The following LGI4 variants were observed in gnomAD, a reference collection of about 807,000 sequenced individuals.
The protein encoded by LGI4 is leucine rich repeat LGI family member 4, also known as leucine-rich repeat LGI family member 4.
A neutral mutation model predicts 48.3 loss-of-function variants in LGI4; 36 were observed. The observed-to-expected ratio is 0.75, with a 90% CI of 0.57 to 0.98. LGI4 has a LOEUF of 0.98. LGI4 is among the 50% of genes least tolerant of loss of function. The pLI is 0.00. For missense variants in LGI4, 701 were observed against 732.1 expected (o/e 0.96, Z 0.49); for synonymous variants, 355 against 331.6 (o/e 1.07, Z -0.77).
intron 2 of LGI4, 82 bp from the exon 3 acceptor site, chr19:35,133,846 A>C: frequency 6.8e-7 from 1 of 1,467,260 alleles, no homozygotes; most frequent in South Asian, 1.2e-5. Flanking sequence ...CCCTCAGCCT[A>C]GGTGGGCATG....
Position 35,134,800 on chromosome 19 carries a change from C to G in LGI4, c.-120G>C. The stretch of plus-strand genomic sequence containing the variant: ...CGCCTGCTGGCACGCTCGGCCCTGG[C>G]TTCTCTCTCCTCTTCTCCGTCTTTC... On this transcript the variant is annotated 5_prime_UTR_variant, in exon 1 of 9. Coordinates refer to ENST00000310123, the MANE Select transcript of LGI4 (RefSeq NM_139284.3). 1.7e-6 allele frequency: 1 copy of G among 584,102 alleles called. No homozygotes were observed. Among genetic ancestry groups the G allele is most frequent in the Middle Eastern group, 4.5e-4 (1 of 2,226 alleles). The allele number at this position is 584,102 out of a possible 1,614,324, so 36.2% of individuals were successfully genotyped here.
intron 6 of LGI4, among the ~76,000 whole-genome samples, chr19:35,129,072 T>C (rs903776581): frequency 6.6e-6 from 1 of 152,172 alleles, no homozygotes; most frequent in Non-Finnish European, 1.5e-5. Context: ...GTTTGTTAAA[T>C]GTCCATCTCC....
At chr19:35,133,788 T>G in intron 2 of LGI4, 24 bp from the exon 3 acceptor site, 1 of 1,587,632 alleles carries the variant, frequency 6.3e-7, no homozygotes, top group Non-Finnish European at 8.6e-7. Context: ...AAGAAAGAAA[T>G]TTTTCCAGAA....
At chr19:35,132,169 C>T (rs993783283) in intron 3 of LGI4, 127 bp from the exon 4 acceptor site, 2 of 799,202 alleles carry the variant, frequency 2.5e-6, no homozygotes, top group East Asian at 2.7e-5. Flanking sequence ...CAGGGAAAGC[C>T]TCTCAAAAAC....
chr19:35,133,626 T>C lies in LGI4; in HGVS notation c.314+67A>G, dbSNP rs967687784. 30 of 1,522,434 alleles carry C rather than the reference T, an allele frequency of 2.0e-5. No homozygotes were observed. The East Asian group carries it at 7.3e-4, about 37-fold the overall frequency. The allele number at this position is 1,522,434 out of a possible 1,614,324, so 94.3% of individuals were successfully genotyped here. ...GGCCACAGCTCCCATCTCCCCCTAC[T>C]CTGGGAGCCACAGAAGGGTCCCTCC... is the stretch of plus-strand genomic sequence containing the variant. On this transcript the variant is annotated intron_variant, in intron 3 of 8. Transcript: ENST00000310123.
At chr19:35,133,071 C>T (rs1406290369) in intron 3 of LGI4, among the ~76,000 whole-genome samples, 1 of 152,122 alleles carries the variant, frequency 6.6e-6, no homozygotes, top group African/African-American at 2.4e-5. Context: ...GTGATTTCAT[C>T]CATAGCATCA....
intron 6 of LGI4, among the ~76,000 whole-genome samples, chr19:35,130,647 T>C (rs1179689875): frequency 1.3e-5 from 2 of 152,196 alleles, no homozygotes; most frequent in Non-Finnish European, 2.9e-5. Context: ...CAGTGAGCTA[T>C]GATGGCGCCA....
rs747931967 is a variant in LGI4 at position 35,131,481 on chromosome 19, G to A, written c.533C>T (p.Ala178Val). 226 of 1,551,186 alleles carry A rather than the reference G, an allele frequency of 1.5e-4. No individual in the cohort carries two copies. The highest frequency in any genetic ancestry group is 1.9e-4 in the Non-Finnish European group (217 of 1,146,992). Residue 178 changes from alanine (A) to valine (V), a missense_variant, in exon 6 of 9, where the codon GCC (alanine) becomes GTC (valine). Ala to Val is a moderately conservative substitution (Grantham distance 64). Coordinates refer to ENST00000310123, the MANE Select transcript of LGI4 (RefSeq NM_139284.3). ...WLLQWMPTVNASVGTGACAGP... is the reference protein window; with the variant it reads ...WLLQWMPTVNVSVGTGACAGP... ...CGCACAGGCGCCGGTCCCCACGCTG[G>A]CATTCACGGTGGGCATCCACTGCAG...
chr19:35,126,272 T>C lies in LGI4; in HGVS notation c.1297A>G (p.Met433Val). 2 of 1,611,668 alleles carry C rather than the reference T, an allele frequency of 1.2e-6. No individual in the cohort carries two copies. Among genetic ancestry groups the C allele is most frequent in the Non-Finnish European group, 1.7e-6 (2 of 1,179,452 alleles). Residue 433 changes from methionine (M) to valine (V), a missense_variant and splice_region_variant, in exon 8 of 9, where the codon ATG (methionine) becomes GTG (valine). By Grantham distance (21) the Met-to-Val change is conservative. This residue lies in a region of LGI4 where 223 missense variants were observed against 263.3 expected (regional missense o/e 0.85). Transcript: ENST00000310123. ...CCCGCCCCCAGGCCCAGCCTCACCA[T>C]GGAGTCCCCAATGTAGCGTGTGAGG... ...LCLTRYIGDS[M>V]VMRWDGSMFR... is the part of the protein sequence containing the mutation.
intron 6 of LGI4, chr19:35,131,153 G>A (rs1039026179): frequency 3.8e-5 from 24 of 629,200 alleles, no homozygotes; most frequent in Admixed American, 1.3e-4. Context: ...CAGGCCCGGC[G>A]CCAAATGCCG....
chr19:35,133,664 A>G, intron 3 of LGI4, 29 bp downstream of exon 3: 1 of 1,573,346 alleles, frequency 6.4e-7, no homozygotes. Context: ...GCCCAGACCC[A>G]CCTGCCTCCA....
rs1474293984 is a variant in LGI4, at chr19:35,134,208, C to T, written c.171-104G>A. ...GGAGACCCCAGCGTGCCACCCTGAC[C>T]CTGGATGTGTCTCCCCTGCATGCCA... is the stretch of plus-strand genomic sequence containing the variant. On this transcript the variant is annotated intron_variant, in intron 1 of 8. Transcript: ENST00000310123. The T allele has an allele frequency of 8.5e-6, 9 of 1,058,046 alleles. No homozygotes were observed. In the East Asian group the frequency reaches 2.3e-4, roughly 28 times the overall value. 65.5% of individuals were successfully genotyped at this position (1,058,046 alleles called of 1,614,324 possible).
At position 35,125,119 on chromosome 19, in the gene LGI4, C is replaced by G; in HGVS notation, c.*74G>C. On this transcript the variant is annotated 3_prime_UTR_variant, in exon 9 of 9. Coordinates refer to ENST00000310123, the MANE Select transcript of LGI4 (RefSeq NM_139284.3). ...TCAGCAGCTCACAGGCGGGCCATCA[C>G]CCCAAGTAGGGCCAGGAGCCAGCCA... 1.5e-6 allele frequency: 2 copies of G among 1,351,872 alleles called. No homozygotes were observed. The highest frequency in any genetic ancestry group is 2.0e-6 in the Non-Finnish European group (2 of 1,000,730). 83.7% of individuals were successfully genotyped at this position (1,351,872 alleles called of 1,614,324 possible).
chr19:35,129,857 G>C (rs1352653919), intron 6 of LGI4, among the ~76,000 whole-genome samples: 2 of 151,854 alleles, frequency 1.3e-5, no homozygotes, highest in Non-Finnish European at 2.9e-5. Context: ...TCTCCTGCTC[G>C]TCCCTGGGAA....
chr19:35,128,876 G>A (rs1397259193), intron 6 of LGI4, among the ~76,000 whole-genome samples: 1 of 152,096 alleles, frequency 6.6e-6, no homozygotes, highest in Non-Finnish European at 1.5e-5. Context: ...ACTGTATGCT[G>A]CCTCAGGGCC....
chr19:35,133,957 G>A lies in LGI4; in HGVS notation c.242+76C>T, dbSNP rs537817664. ...ATCAATGCCCACCTGACATCTGTGT[G>A]AGCATACACTCCCACACATGTGCAT... is the stretch of plus-strand genomic sequence containing the variant. On this transcript the variant is annotated intron_variant, in intron 2 of 8. Coordinates refer to ENST00000310123, the MANE Select transcript of LGI4 (RefSeq NM_139284.3). 10 of 1,447,134 alleles carry A rather than the reference G, an allele frequency of 6.9e-6. No homozygotes were observed. The Admixed American group carries it at 7.9e-5, about 11-fold the overall frequency. The allele number at this position is 1,447,134 out of a possible 1,614,324, so 89.6% of individuals were successfully genotyped here. A position where few individuals can be genotyped will look rare whatever the true frequency, so the allele number is the denominator to read the frequency against.
Position 35,126,722 on chromosome 19 carries a change from G to C in LGI4, c.847C>G (p.Leu283Val). Reference sequence around the variant, plus strand: ...GAGCCCCCCCACAGGCGGGCAGCCAGCACGAAGAGGCTCGGGCCCAGCACC... The same window carrying C: ...GAGCCCCCCCACAGGCGGGCAGCCACCACGAAGAGGCTCGGGCCCAGCACC... ...PLVLGPSLFV[L>V]AARLWGGSQL... is the part of the protein sequence containing the mutation. Residue 283 changes from leucine to valine, a missense_variant, in exon 8 of 9, where the codon CTG becomes GTG. Physicochemically the swap from Leu to Val is conservative, Grantham distance 32 (BLOSUM62 1). This residue lies in a region of LGI4 where 462 missense variants were observed against 436.4 expected (regional missense o/e 1.06). Transcript: ENST00000310123. 6.5e-7 allele frequency: 1 copy of C among 1,541,076 alleles called. No individual in the cohort carries two copies. The highest frequency in any genetic ancestry group is 2.0e-5 in the Admixed American group (1 of 51,060).
intron 6 of LGI4, among the ~76,000 whole-genome samples, chr19:35,127,338 T>C (rs552473846): frequency 6.6e-6 from 1 of 152,134 alleles, no homozygotes. Context: ...TGTGCTACCA[T>C]GGCTGGCTAT....
Position 35,125,045 on chromosome 19 carries a change from A to C in LGI4, c.*148T>G. 1 of 598,632 alleles carries C rather than the reference A, an allele frequency of 1.7e-6. No individual in the cohort carries two copies. The highest frequency in any genetic ancestry group is 2.7e-6 in the Non-Finnish European group (1 of 371,252). 37.1% of individuals were successfully genotyped at this position (598,632 alleles called of 1,614,324 possible). On this transcript the variant is annotated 3_prime_UTR_variant, in exon 9 of 9. Coordinates refer to ENST00000310123, the MANE Select transcript of LGI4 (RefSeq NM_139284.3). ...TCCCCCCATGGGTGCAGATCCTTTA[A>C]GAAGTGGGCTTAAGGCCTAGACGTG...
Sources: gnomAD v4.1 joint callset for allele counts (sites outside exome capture counted in the v4.1 genomes callset) on GRCh38, gnomAD v4.1.1 for gene constraint, gnomAD v4.1.1 regional missense constraint, MANE v1.5 for transcripts, NCBI Gene and HGNC (gene_info 2026-07-23, HGNC 2026-07-21) for gene names.